Variants in CERS5 observed in about 807,000 individuals in gnomAD.
CERS5 encodes the protein LAG1 homolog, ceramide synthase 5.
Under a neutral mutation model 58.9 loss-of-function variants are expected in CERS5, and 37 were observed. That is an observed-to-expected ratio of 0.63 (90% confidence interval 0.48 to 0.83). The LOEUF is 0.83. Ranked by LOEUF, CERS5 falls within the 40% of genes least tolerant of loss-of-function variation. The pLI is 0.00. For synonymous variants in CERS5, 147 were observed against 177.8 expected, an observed-to-expected ratio of 0.83 and a Z score of 1.38; for missense variants, 398 against 489.3, an observed-to-expected ratio of 0.81 and a Z score of 1.76.
rs11169286 is a variant in CERS5, at chr12:50,148,929, T to A, written c.198-4872A>T. Among the ~76,000 whole-genome samples, 613 of 71,988 alleles carry A rather than the reference T, an allele frequency of 8.5e-3. 3 individuals carry two copies. Among genetic ancestry groups the A allele is most frequent in the East Asian group, 0.011 (9 of 830 alleles). 47.2% of individuals were successfully genotyped at this position (71,988 alleles called of 152,430 possible). On this transcript the variant is annotated intron_variant, in intron 1 of 9. Transcript: ENST00000317551. ...CAAAAAAAAAAAAAAAAAAAAAAAA[T>A]ATATATATATATATATATGTGTGTG...
intron 1 of CERS5, among the ~76,000 whole-genome samples, chr12:50,152,927 A>G (rs10735824): frequency 0.64 from 97,135 of 151,640 alleles, 31,572 homozygotes; most frequent in East Asian, 0.84. Context: ...AATATTAGCC[A>G]GGCGTGGTGG....
At chr12:50,145,186 A>T (rs1481256548) in intron 1 of CERS5, 3 of 151,756 alleles carry the variant, frequency 2.0e-5, no homozygotes. Flanking sequence ...AAAAGAGGTT[A>T]TATGAGATGA....
At chr12:50,132,728 T>C (rs1434358911) in intron 9 of CERS5, among the ~76,000 whole-genome samples, 1 of 127,632 alleles carries the variant, frequency 7.8e-6, no homozygotes, top group Non-Finnish European at 1.7e-5. Flanking sequence ...AGAGTGTCTC[T>C]AGATTTGAGG....
intron 1 of CERS5, chr12:50,144,840 A>G (rs1452256325): frequency 6.8e-7 from 1 of 1,473,540 alleles, no homozygotes; most frequent in East Asian, 2.5e-5. Flanking sequence ...TTAAATTTTT[A>G]AAAAGAATAA....
intron 1 of CERS5, among the ~76,000 whole-genome samples, chr12:50,158,784 T>C (rs1938942788): frequency 6.6e-6 from 1 of 152,200 alleles, no homozygotes; most frequent in African/African-American, 2.4e-5. Flanking sequence ...TGCGACTGCT[T>C]ACTAATGCTG....
intron 1 of CERS5, among the ~76,000 whole-genome samples, chr12:50,166,654 C>A (rs1939933135): frequency 6.6e-6 from 1 of 152,204 alleles, no homozygotes; most frequent in African/African-American, 2.4e-5. Context: ...TCTGATGAGT[C>A]CATTCCTTTC....
chr12:50,148,917 A>AT (rs1247551133), intron 1 of CERS5, among the ~76,000 whole-genome samples: 23 of 61,862 alleles, frequency 3.7e-4, no homozygotes, highest in African/African-American at 1.5e-3. Context: ...AAAAAAAAAA[A>AT]AAAAAAAAAA....
At position 50,167,357 on chromosome 12, in the gene CERS5, A is replaced by G; in HGVS notation, c.-60T>C. 1 of 1,446,844 alleles carries G rather than the reference A, an allele frequency of 6.9e-7. No individual in the cohort carries two copies. Among genetic ancestry groups the G allele is most frequent in the Non-Finnish European group, 9.0e-7 (1 of 1,109,880 alleles). 89.6% of individuals were successfully genotyped at this position (1,446,844 alleles called of 1,614,324 possible). On this transcript the variant is annotated 5_prime_UTR_variant, in exon 1 of 10. Transcript: ENST00000317551. ...CGTCAGCTGCCGCCACAGCCAACGGAACCCGCGGGGAGGCGGCCCCAGGGC... is the reference window on the plus strand; with the variant it reads ...CGTCAGCTGCCGCCACAGCCAACGGGACCCGCGGGGAGGCGGCCCCAGGGC...
At chr12:50,143,495 TG>T (rs911237365) in intron 2 of CERS5, 8 of 313,896 alleles carry the variant, frequency 2.5e-5, no homozygotes, top group African/African-American at 1.7e-4. Flanking sequence ...CCTGTAATCC[TG>T]GGATTTTTGA....
chr12:50,135,182 A>G (rs1179608631), intron 8 of CERS5, among the ~76,000 whole-genome samples: 1 of 51,200 alleles, frequency 2.0e-5, no homozygotes, highest in Non-Finnish European at 3.8e-5. Context: ...AGGGAGAGAG[A>G]GGAGAGGGAG....
chr12:50,134,133 C>T (rs1051005177), intron 9 of CERS5: 7 of 207,110 alleles, frequency 3.4e-5, no homozygotes, highest in Admixed American at 2.2e-4. Flanking sequence ...GTAATTCCAT[C>T]GCTTTGGGAA....
chr12:50,158,060 C>CAAAAAA (rs11388385), intron 1 of CERS5, among the ~76,000 whole-genome samples: 3 of 81,358 alleles, frequency 3.7e-5, no homozygotes, highest in South Asian at 4.7e-4. Flanking sequence ...AGACCATGAC[C>CAAAAAA]AAAAAAAAAA....
intron 1 of CERS5, among the ~76,000 whole-genome samples, chr12:50,164,335 T>TGA (rs1473711013): frequency 2.6e-5 from 4 of 151,188 alleles, no homozygotes; most frequent in African/African-American, 7.3e-5. Flanking sequence ...CTTGGGAGGC[T>TGA]GAGGTAGGAG....
At chr12:50,136,202 G>C (rs1165856001) in intron 6 of CERS5, 133 bp from the exon 7 acceptor site, 3 of 747,278 alleles carry the variant, frequency 4.0e-6, no homozygotes, top group Non-Finnish European at 5.7e-6. Flanking sequence ...GCCGGGCGAG[G>C]TGGCTCATGC....
chr12:50,152,731 C>G (rs977454487), intron 1 of CERS5, among the ~76,000 whole-genome samples: 1 of 152,050 alleles, frequency 6.6e-6, no homozygotes, highest in African/African-American at 2.4e-5. Flanking sequence ...AAAGGACTGA[C>G]AGACTAACGT....
chr12:50,139,020 G>C (rs1003016604), intron 4 of CERS5, among the ~76,000 whole-genome samples: 1 of 152,034 alleles, frequency 6.6e-6, no homozygotes, highest in African/African-American at 2.4e-5. Context: ...TTTGCTGCTG[G>C]ATTTCTTATC....
At chr12:50,153,786 C>T (rs558832167) in intron 1 of CERS5, 2 of 320,408 alleles carry the variant, frequency 6.2e-6, no homozygotes, top group African/African-American at 2.3e-5. Context: ...GAAACCCCAT[C>T]TCCACTAAAA....
intron 1 of CERS5, among the ~76,000 whole-genome samples, chr12:50,161,577 G>C (rs1195680883): frequency 6.6e-6 from 1 of 151,986 alleles, no homozygotes; most frequent in Non-Finnish European, 1.5e-5. Context: ...GGGAGTTCAA[G>C]ACCGGCCTGG....
chr12:50,145,782 C>T (rs951309246), intron 1 of CERS5, among the ~76,000 whole-genome samples: 4 of 152,166 alleles, frequency 2.6e-5, no homozygotes, highest in Non-Finnish European at 5.9e-5. Context: ...CATGTTTAAA[C>T]TCCTTGTAAA....
Sources: allele counts gnomAD v4.1 joint callset (sites outside exome capture counted in the v4.1 genomes callset), GRCh38; gene constraint gnomAD v4.1.1; transcripts MANE v1.5; gene names NCBI Gene and HGNC (gene_info 2026-07-23, HGNC 2026-07-21).